RICTOR: variants seen among roughly 807,000 people sequenced by gnomAD.
RICTOR encodes rapamycin-insensitive companion of mTOR.
Under a neutral mutation model 214.9 loss-of-function variants are expected in RICTOR, and 49 were observed. That is an observed-to-expected ratio of 0.23 (90% CI 0.18 to 0.29). RICTOR has a LOEUF of 0.29. Among genes scored for constraint, RICTOR ranks in the 10% least tolerant of loss-of-function variants. RICTOR has a pLI of 1.00. For missense variants in RICTOR, 1,625 were observed against 2,047.0 expected, an observed-to-expected ratio of 0.79 and a Z score of 3.98; for synonymous variants, 717 against 711.3, an observed-to-expected ratio of 1.01 and a Z score of -0.13.
At chr5:38,954,307 CTTG>C (rs1303650412) in intron 27 of RICTOR, among the ~76,000 whole-genome samples, 1 of 151,936 alleles carries the variant, frequency 6.6e-6, no homozygotes, top group Non-Finnish European at 1.5e-5. Flanking sequence ...CTTGCCTATG[CTTG>C]TTAACATTCC....
At chr5:39,047,062 TA>T (rs904407116) in intron 2 of RICTOR, among the ~76,000 whole-genome samples, 3 of 151,416 alleles carry the variant, frequency 2.0e-5, no homozygotes, top group Non-Finnish European at 2.9e-5. Flanking sequence ...TAATTCATCT[TA>T]AAAAAAAACT....
chr5:38,942,838 G>C lies in RICTOR; in HGVS notation c.5047C>G (p.Leu1683Val), dbSNP rs1747740563. ...IQELFQDVQF[L>V]QMHEEAEAVL... ...GAAGTACTAATCATACTTACTTGTA[G>C]AAACTGTACATCTTGAAATAATTCT... is the stretch of plus-strand genomic sequence containing the variant. The change falls in exon 37 of 38, where the codon CTA (leucine) becomes GTA (valine). Residue 1683 changes from leucine (L) to valine (V), a missense_variant. Physicochemically the swap from Leu to Val is conservative, Grantham distance 32 (BLOSUM62 1). Coordinates refer to ENST00000357387, the MANE Select transcript of RICTOR (RefSeq NM_152756.5). 1 of 1,605,636 alleles carries C rather than the reference G, an allele frequency of 6.2e-7. No homozygotes were observed. The highest frequency in any genetic ancestry group is 8.5e-7 in the Non-Finnish European group (1 of 1,172,412).
chr5:39,027,431 A>C (rs1232998172), intron 2 of RICTOR, among the ~76,000 whole-genome samples: 2 of 152,152 alleles, frequency 1.3e-5, no homozygotes, highest in African/African-American at 4.8e-5. Context: ...ACTAGATTAA[A>C]ATAATTAATC....
At position 38,939,789 on chromosome 5, in the gene RICTOR, T is replaced by A. The variant is rs2112751831; in HGVS notation, c.*2515A>T. The A allele has an allele frequency of 4.4e-6, 1 of 226,236 alleles. No homozygotes were observed. Among genetic ancestry groups the A allele is most frequent in the African/African-American group, 2.2e-5 (1 of 45,116 alleles). 14.0% of individuals were successfully genotyped at this position (226,236 alleles called of 1,614,324 possible). The stretch of plus-strand genomic sequence containing the variant: ...TATTTTGGTATTCTATAGTCTGTAA[T>A]ATCTATTATTTATAGATGATTTTCT... On this transcript the variant is annotated 3_prime_UTR_variant, in exon 38 of 38. Transcript: ENST00000357387.
chr5:39,074,307 G>A (rs2150230365), intron 1 of RICTOR, 22 bp downstream of exon 1: 2 of 1,555,406 alleles, frequency 1.3e-6, no homozygotes, highest in Non-Finnish European at 1.7e-6. Context: ...GCGGTGGGGA[G>A]TGAGGGTTGC....
intron 19 of RICTOR, among the ~76,000 whole-genome samples, chr5:38,961,160 C>A (rs763850292): frequency 6.6e-6 from 1 of 151,806 alleles, no homozygotes; most frequent in Non-Finnish European, 1.5e-5. Context: ...AAAAAAAAAT[C>A]TCTGTGGAGT....
chr5:38,988,271 G>A (rs193056943), intron 7 of RICTOR, among the ~76,000 whole-genome samples: 7 of 152,148 alleles, frequency 4.6e-5, no homozygotes, highest in Admixed American at 2.6e-4. Flanking sequence ...CTGTCTCGTC[G>A]ATCTAATATT....
intron 3 of RICTOR, among the ~76,000 whole-genome samples, chr5:39,017,734 A>G (rs1755072721): frequency 6.6e-6 from 1 of 152,138 alleles, no homozygotes; most frequent in Non-Finnish European, 1.5e-5. Flanking sequence ...CATAGTGACT[A>G]TATTCTCATC....
rs531187086 is a variant in RICTOR, at chr5:38,945,099, G to A, written c.4634-31C>T. The A allele has an allele frequency of 3.6e-4, 530 of 1,467,760 alleles. 9 individuals carry two copies. In the South Asian group the frequency reaches 5.9e-3, roughly 16 times the overall value. The allele number at this position is 1,467,760 out of a possible 1,614,324, so 90.9% of individuals were successfully genotyped here. A position where few individuals can be genotyped will look rare whatever the true frequency, so the allele number is the denominator to read the frequency against. ...GAAAAAAATAATTATTTCAATTAAAGCACCATAACGGCTTAATTCCTGTGC... is the reference window on the plus strand; with the variant it reads ...GAAAAAAATAATTATTTCAATTAAAACACCATAACGGCTTAATTCCTGTGC... On this transcript the variant is annotated intron_variant, in intron 34 of 37. Coordinates refer to ENST00000357387, the MANE Select transcript of RICTOR (RefSeq NM_152756.5).
chr5:38,943,575 A>T (rs1747838165), intron 36 of RICTOR, among the ~76,000 whole-genome samples: 1 of 152,158 alleles, frequency 6.6e-6, no homozygotes, highest in South Asian at 2.1e-4. Flanking sequence ...GCACTTTGGG[A>T]GGCTGAGACA....
At chr5:38,971,989 C>G (rs772784043) in intron 10 of RICTOR, 30 bp from the exon 11 acceptor site, 2 of 1,024,050 alleles carry the variant, frequency 2.0e-6, no homozygotes, top group Non-Finnish European at 1.5e-6. Flanking sequence ...AAAAAAATCA[C>G]TGACATGAAT....
intron 2 of RICTOR, among the ~76,000 whole-genome samples, chr5:39,026,678 A>C (rs921724635): frequency 8.6e-5 from 13 of 151,566 alleles, no homozygotes; most frequent in African/African-American, 2.9e-4. Context: ...GACACTGTAG[A>C]TACTCTGTGG....
intron 2 of RICTOR, among the ~76,000 whole-genome samples, chr5:39,072,015 G>A (rs1265713078): frequency 1.3e-5 from 2 of 152,082 alleles, no homozygotes; most frequent in Non-Finnish European, 2.9e-5. Context: ...TGAAATGTCT[G>A]TCACAACAGC....
chr5:39,037,538 T>A (rs1756813882), intron 2 of RICTOR, among the ~76,000 whole-genome samples: 1 of 152,064 alleles, frequency 6.6e-6, no homozygotes, highest in Non-Finnish European at 1.5e-5. Flanking sequence ...AGCTGGTTTT[T>A]TGAAAAGATC....
At chr5:39,071,641 T>C (rs1759331318) in intron 2 of RICTOR, among the ~76,000 whole-genome samples, 1 of 152,186 alleles carries the variant, frequency 6.6e-6, no homozygotes, top group Non-Finnish European at 1.5e-5. Context: ...CACCCAACTA[T>C]TAAATCTCAC....
In RICTOR at chr5:38,952,242, C is replaced by T. The variant is rs2112868156; in HGVS notation, c.3081G>A (p.Glu1027=). The change falls in exon 30 of 38, where the codon GAG becomes GAA. Residue 1027 remains glutamate, a synonymous_variant. Coordinates refer to ENST00000357387, the MANE Select transcript of RICTOR (RefSeq NM_152756.5). The stretch of plus-strand genomic sequence containing the variant: ...CACTATTATGTCTAGAGCTGGTTGA[C>T]TCCGAGTTCAAACTTAGAGTGCTTG... ...SIPSTLSLNS[E]STSSRHNSES... is the part of the protein sequence containing the mutation. 6.2e-7 allele frequency: 1 copy of T among 1,612,760 alleles called. No homozygotes were observed. Among genetic ancestry groups the T allele is most frequent in the South Asian group, 1.1e-5 (1 of 91,042 alleles).
intron 28 of RICTOR, 98 bp downstream of exon 28, chr5:38,953,362 AG>A: frequency 3.6e-6 from 2 of 554,622 alleles, no homozygotes; most frequent in Non-Finnish European, 6.3e-6. Context: ...TAATCTAATA[AG>A]TAGTTCCAAA....
chr5:39,021,818 A>T (rs1755445845), intron 2 of RICTOR, among the ~76,000 whole-genome samples: 1 of 152,188 alleles, frequency 6.6e-6, no homozygotes, highest in Non-Finnish European at 1.5e-5. Flanking sequence ...GACTAAGAAA[A>T]ATCTCAGCAT....
intron 2 of RICTOR, among the ~76,000 whole-genome samples, chr5:39,042,422 A>C (rs1757236760): frequency 6.6e-6 from 1 of 152,194 alleles, no homozygotes; most frequent in African/African-American, 2.4e-5. Context: ...TACTACTATT[A>C]TTGTCCTCAT....
Sources: allele counts gnomAD v4.1 joint callset (sites outside exome capture counted in the v4.1 genomes callset), GRCh38; gene constraint gnomAD v4.1.1; transcripts MANE v1.5; gene names NCBI Gene and HGNC (gene_info 2026-07-23, HGNC 2026-07-21).